UBE4B: variants seen among roughly 807,000 people sequenced by gnomAD.
UBE4B encodes the protein ubiquitin conjugation factor E4 B.
A neutral mutation model predicts 148.1 loss-of-function variants in UBE4B; 27 were observed. The observed-to-expected ratio is 0.18, with a 90% confidence interval of 0.13 to 0.25. UBE4B has a LOEUF of 0.25. Among genes scored for constraint, UBE4B ranks in the 10% least tolerant of loss-of-function variants. The probability of loss-of-function intolerance (pLI) is 1.00; values close to 1 mark genes in which losing one functional copy is unlikely to be tolerated. For missense variants in UBE4B, 1,170 were observed against 1,662.4 expected, an observed-to-expected ratio of 0.70 and a Z score of 5.15; for synonymous variants, 596 against 619.3, an observed-to-expected ratio of 0.96 and a Z score of 0.56.
At chr1:10,178,940 A>C in intron 26 of UBE4B, 122 bp downstream of exon 26, 1 of 1,059,618 alleles carries the variant, frequency 9.4e-7, no homozygotes, top group African/African-American at 1.6e-5. Context: ...TTTTTGAGAC[A>C]ATCTGTCTTA....
intron 1 of UBE4B, among the ~76,000 whole-genome samples, chr1:10,051,401 G>A (rs1328807799): frequency 1.3e-5 from 2 of 152,162 alleles, no homozygotes; most frequent in Admixed American, 1.3e-4. Flanking sequence ...TATAATTGGA[G>A]TTTTAGTTGG....
chr1:10,057,733 GAAA>G (rs574034728), intron 1 of UBE4B, among the ~76,000 whole-genome samples: 2 of 104,658 alleles, frequency 1.9e-5, no homozygotes, highest in African/African-American at 3.5e-5. Flanking sequence ...CTGTCTCACA[GAAA>G]AAAAAAAAAA....
At chr1:10,147,544 A>G (rs1645895701) in intron 19 of UBE4B, among the ~76,000 whole-genome samples, 1 of 152,212 alleles carries the variant, frequency 6.6e-6, no homozygotes, top group Non-Finnish European at 1.5e-5. Flanking sequence ...GCATTTATAT[A>G]GATTATGTAG....
At chr1:10,044,816 C>G (rs1405980645) in intron 1 of UBE4B, among the ~76,000 whole-genome samples, 1 of 152,112 alleles carries the variant, frequency 6.6e-6, no homozygotes, top group Non-Finnish European at 1.5e-5. Flanking sequence ...CTCCTGAGCT[C>G]AAGCAGTCCA....
chr1:10,132,966 A>G (rs1381050981), intron 15 of UBE4B, among the ~76,000 whole-genome samples: 1 of 152,124 alleles, frequency 6.6e-6, no homozygotes, highest in Non-Finnish European at 1.5e-5. Flanking sequence ...GCAGGGCGCC[A>G]TCGGGTTAGG....
At chr1:10,124,103 CA>C (rs1181955195) in intron 10 of UBE4B, among the ~76,000 whole-genome samples, 5 of 152,064 alleles carry the variant, frequency 3.3e-5, no homozygotes, top group African/African-American at 1.2e-4. Flanking sequence ...GTGTACAATT[CA>C]GTGGCATTTA....
At chr1:10,107,391 G>A (rs1645132449) in intron 7 of UBE4B, 1 of 1,282,460 alleles carries the variant, frequency 7.8e-7, no homozygotes, top group Admixed American at 2.4e-5. Flanking sequence ...GAGGAATGGA[G>A]TCTTACCCCT....
chr1:10,092,463 T>A (rs1002298173), intron 2 of UBE4B, among the ~76,000 whole-genome samples: 1 of 151,422 alleles, frequency 6.6e-6, no homozygotes, highest in Non-Finnish European at 1.5e-5. Flanking sequence ...GACCTCATGA[T>A]CCGCCCGCCT....
intron 10 of UBE4B, among the ~76,000 whole-genome samples, chr1:10,122,453 A>C (rs2101925084): frequency 6.6e-6 from 1 of 152,356 alleles, no homozygotes; most frequent in South Asian, 2.1e-4. Flanking sequence ...CTGAGTTTGT[A>C]AGATTAACTT....
intron 25 of UBE4B, among the ~76,000 whole-genome samples, chr1:10,174,558 C>T (rs1179057187): frequency 3.3e-5 from 5 of 151,464 alleles, no homozygotes; most frequent in Non-Finnish European, 2.9e-5. Flanking sequence ...AAAAATTAGC[C>T]GGGCATGGTG....
chr1:10,134,165 T>A (rs1645639228), intron 15 of UBE4B, among the ~76,000 whole-genome samples: 1 of 152,160 alleles, frequency 6.6e-6, no homozygotes, highest in Non-Finnish European at 1.5e-5. Context: ...GCATAAAATG[T>A]TAACAGCAGT....
At chr1:10,178,497 T>A (rs1226375663) in intron 25 of UBE4B, 147 bp from the exon 26 acceptor site, 10 of 674,664 alleles carry the variant, frequency 1.5e-5, no homozygotes, top group Non-Finnish European at 2.3e-5. Context: ...AAGACGGATA[T>A]ATAAAATATA....
At chr1:10,055,751 C>T (rs1010539706) in intron 1 of UBE4B, among the ~76,000 whole-genome samples, 2 of 152,100 alleles carry the variant, frequency 1.3e-5, no homozygotes, top group African/African-American at 4.8e-5. Context: ...GAAACCCTGT[C>T]TTTACTAAAA....
intron 25 of UBE4B, 44 bp from the exon 26 acceptor site, chr1:10,178,600 C>T (rs1271698116): frequency 2.0e-6 from 3 of 1,524,218 alleles, no homozygotes; most frequent in Non-Finnish European, 2.6e-6. Context: ...CTTTTTTCCA[C>T]CTGACGTACA....
chr1:10,170,154 T>C (rs1646317744), intron 24 of UBE4B, among the ~76,000 whole-genome samples: 1 of 152,200 alleles, frequency 6.6e-6, no homozygotes, highest in South Asian at 2.1e-4. Flanking sequence ...CTATCTGGCC[T>C]TTGCAGACAA....
chr1:10,139,878 G>A (rs753347864), intron 17 of UBE4B, among the ~76,000 whole-genome samples: 15 of 152,118 alleles, frequency 9.9e-5, no homozygotes, highest in Non-Finnish European at 1.8e-4. Context: ...ACAGGCATGT[G>A]CCACCACGCC....
chr1:10,102,299 T>G (rs1645025779), intron 4 of UBE4B, among the ~76,000 whole-genome samples: 1 of 150,624 alleles, frequency 6.6e-6, no homozygotes, highest in Non-Finnish European at 1.5e-5. Flanking sequence ...AGTGTTAACC[T>G]GGTCCTATGG....
At chr1:10,175,686 T>G (rs576780576) in intron 25 of UBE4B, among the ~76,000 whole-genome samples, 3 of 151,516 alleles carry the variant, frequency 2.0e-5, no homozygotes, top group African/African-American at 7.3e-5. Context: ...AAAAAGAAAA[T>G]AAAAAAAATA....
In UBE4B at chr1:10,130,712, C is replaced by T. The variant is rs745764255; in HGVS notation, c.1813-3C>T. On this transcript the variant is annotated splice_region_variant and splice_polypyrimidine_tract_variant and intron_variant, in intron 13 of 27. Transcript: ENST00000343090. The stretch of plus-strand genomic sequence containing the variant: ...TGACTGCATTTTTTCCTTCTCTTTC[C>T]AGGTTAAAGTGGTTGAAAAATACTT... 10 of 1,613,784 alleles carry T rather than the reference C, an allele frequency of 6.2e-6. No homozygotes were observed. The highest frequency in any genetic ancestry group is 1.3e-5 in the African/African-American group (1 of 74,880).
Sources: gnomAD v4.1 joint callset for allele counts (sites outside exome capture counted in the v4.1 genomes callset) on GRCh38, gnomAD v4.1.1 for gene constraint, MANE v1.5 for transcripts, NCBI Gene and HGNC (gene_info 2026-07-23, HGNC 2026-07-21) for gene names.